The following NMNAT2 variants were observed in gnomAD, a reference collection of about 807,000 sequenced individuals.
The protein encoded by NMNAT2 is nicotinamide/nicotinic acid mononucleotide adenylyltransferase 2.
NMNAT2 carries 11 observed loss-of-function variants against 41.6 expected under a neutral mutation model. The observed-to-expected ratio is 0.26, with a 90% CI of 0.17 to 0.44. The LOEUF (loss-of-function observed/expected upper bound fraction) is 0.44. NMNAT2 is among the 20% of genes least tolerant of loss of function. The pLI is 1.00. For synonymous variants in NMNAT2, 148 were observed against 151.2 expected (o/e 0.98, Z 0.16); for missense variants, 288 against 407.7 (o/e 0.71, Z 2.53).
intron 1 of NMNAT2, among the ~76,000 whole-genome samples, chr1:183,395,602 G>C (rs1231833261): frequency 2.6e-5 from 4 of 152,052 alleles, no homozygotes; most frequent in Non-Finnish European, 5.9e-5. Flanking sequence ...CAGTAAGTAG[G>C]GACTGGAGCC....
chr1:183,370,796 G>A (rs755382719), intron 1 of NMNAT2, among the ~76,000 whole-genome samples: 2 of 152,202 alleles, frequency 1.3e-5, no homozygotes, highest in Admixed American at 6.5e-5. Context: ...TAACACTGAC[G>A]CTGTAAAAAG....
chr1:183,293,626 A>G (rs1661603004), intron 2 of NMNAT2, 79 bp downstream of exon 2: 2 of 1,004,554 alleles, frequency 2.0e-6, no homozygotes, highest in Non-Finnish European at 3.2e-6. Context: ...GAGCGGGGGC[A>G]GTTTTTCTGC....
chr1:183,260,891 A>G, intron 10 of NMNAT2, 111 bp downstream of exon 10: 1 of 808,114 alleles, frequency 1.2e-6, no homozygotes, highest in South Asian at 1.4e-5. Flanking sequence ...GCTAAACACC[A>G]GGGCAGCAGA....
At chr1:183,298,348 G>A (rs1661756717) in intron 1 of NMNAT2, among the ~76,000 whole-genome samples, 1 of 152,176 alleles carries the variant, frequency 6.6e-6, no homozygotes, top group African/African-American at 2.4e-5. Flanking sequence ...GCTCAACAAG[G>A]TCATAAGTTA....
At chr1:183,352,850 C>T (rs1226819099) in intron 1 of NMNAT2, among the ~76,000 whole-genome samples, 1 of 152,144 alleles carries the variant, frequency 6.6e-6, no homozygotes, top group East Asian at 1.9e-4. Context: ...GACTGAAGTA[C>T]TTTGCAGCTC....
At chr1:183,339,978 T>A (rs1218753343) in intron 1 of NMNAT2, among the ~76,000 whole-genome samples, 6 of 151,856 alleles carry the variant, frequency 4.0e-5, no homozygotes, top group African/African-American at 1.2e-4. Context: ...AAGGGGAATG[T>A]CGGTTGCCGT....
intron 1 of NMNAT2, among the ~76,000 whole-genome samples, chr1:183,364,741 G>A (rs553507495): frequency 2.1e-4 from 28 of 136,388 alleles, no homozygotes; most frequent in Admixed American, 6.1e-4. Flanking sequence ...TCCCAGGCTA[G>A]AGTGCAGTGG....
intron 1 of NMNAT2, among the ~76,000 whole-genome samples, chr1:183,299,027 G>A (rs1299402690): frequency 6.6e-6 from 1 of 152,168 alleles, no homozygotes; most frequent in Non-Finnish European, 1.5e-5. Flanking sequence ...TAGGTAAATG[G>A]TTAACTAAAC....
In NMNAT2 at chr1:183,297,834, C is replaced by T. The variant is rs536744918; in HGVS notation, c.86-4041G>A. 1.5e-3 allele frequency among the ~76,000 whole-genome samples: 231 copies of T among 152,154 alleles called. 3 individuals carry two copies. The highest frequency in any genetic ancestry group is 4.6e-3 in the African/African-American group (189 of 41,492). On this transcript the variant is annotated intron_variant, in intron 1 of 10. Transcript: ENST00000287713. ...ACAAATGTTAGCAAATAGAATCCAGCTATATATAGAAAGAATTATACACTG... is the reference window on the plus strand; with the variant it reads ...ACAAATGTTAGCAAATAGAATCCAGTTATATATAGAAAGAATTATACACTG...
At chr1:183,272,269 T>A (rs1196975277) in intron 8 of NMNAT2, among the ~76,000 whole-genome samples, 1 of 152,198 alleles carries the variant, frequency 6.6e-6, no homozygotes, top group Non-Finnish European at 1.5e-5. Context: ...GGTGTCAGGA[T>A]GCAGCAAAGC....
chr1:183,326,141 C>A (rs192590746), intron 1 of NMNAT2, among the ~76,000 whole-genome samples: 9 of 151,982 alleles, frequency 5.9e-5, no homozygotes, highest in Non-Finnish European at 1.3e-4. Flanking sequence ...TTTGGGAGGC[C>A]GAGCTGGGTG....
intron 1 of NMNAT2, among the ~76,000 whole-genome samples, chr1:183,341,818 C>T (rs956906298): frequency 5.5e-5 from 8 of 145,728 alleles, no homozygotes; most frequent in Non-Finnish European, 3.0e-5. Context: ...TCAAAGAATG[C>T]TCAGAGGAAA....
At chr1:183,346,975 T>C (rs1430261053) in intron 1 of NMNAT2, among the ~76,000 whole-genome samples, 1 of 152,020 alleles carries the variant, frequency 6.6e-6, no homozygotes, top group East Asian at 1.9e-4. Flanking sequence ...CAAGACCCAC[T>C]CAGATTCCAC....
At chr1:183,417,502 C>T (rs1649288253) in intron 1 of NMNAT2, among the ~76,000 whole-genome samples, 2 of 152,174 alleles carry the variant, frequency 1.3e-5, no homozygotes, top group East Asian at 1.9e-4. Flanking sequence ...AGCCTCCGCC[C>T]GGCCCCCTCC....
rs547845772 is a variant in NMNAT2, at chr1:183,315,938, C to T, written c.86-22145G>A. On this transcript the variant is annotated intron_variant, in intron 1 of 10. Transcript: ENST00000287713. The stretch of plus-strand genomic sequence containing the variant: ...AAAATAAAAAAATAAAATGAGTAGC[C>T]CATGAACTAAAAAACCAACAAATTT... Among the ~76,000 whole-genome samples, 161 of 152,122 alleles carry T rather than the reference C, an allele frequency of 1.1e-3. 1 individual carries two copies. The highest frequency in any genetic ancestry group is 1.4e-3 in the Non-Finnish European group (93 of 67,988).
intron 1 of NMNAT2, among the ~76,000 whole-genome samples, chr1:183,308,550 C>T (rs1341972036): frequency 6.6e-6 from 1 of 151,994 alleles, no homozygotes; most frequent in Non-Finnish European, 1.5e-5. Flanking sequence ...AAAATCAAGA[C>T]TAAAAAAGGA....
intron 1 of NMNAT2, among the ~76,000 whole-genome samples, chr1:183,403,612 G>A (rs929384841): frequency 1.7e-4 from 26 of 152,196 alleles, no homozygotes; most frequent in Non-Finnish European, 3.4e-4. Flanking sequence ...AGTGCAGTGC[G>A]AAGGGCAAAT....
intron 1 of NMNAT2, among the ~76,000 whole-genome samples, chr1:183,336,329 G>A (rs2788051): frequency 0.71 from 108,611 of 152,208 alleles, 38,905 homozygotes; most frequent in East Asian, 0.9. Context: ...AAAGTACTCA[G>A]TGTCATTAGA....
chr1:183,346,780 C>T (rs1355179178), intron 1 of NMNAT2, among the ~76,000 whole-genome samples: 1 of 152,134 alleles, frequency 6.6e-6, no homozygotes, highest in African/African-American at 2.4e-5. Context: ...CGAGGTGTTG[C>T]CTGATTCTAG....
Sources: gnomAD v4.1 joint callset for allele counts (sites outside exome capture counted in the v4.1 genomes callset) on GRCh38, gnomAD v4.1.1 for gene constraint, MANE v1.5 for transcripts, NCBI Gene and HGNC (gene_info 2026-07-23, HGNC 2026-07-21) for gene names.